Variants in SAMD12 observed in about 807,000 individuals in gnomAD.
The protein encoded by SAMD12 is sterile alpha motif domain-containing protein 12.
SAMD12 carries 9 observed loss-of-function variants against 15.0 expected under a neutral mutation model. That is an observed-to-expected ratio of 0.60 (90% CI 0.36 to 1.05). The LOEUF (loss-of-function observed/expected upper bound fraction) is 1.05, where lower values mean the gene tolerates loss of function less well. SAMD12 is among the 50% of genes least tolerant of loss of function. The pLI is 0.01. For synonymous variants in SAMD12, 86 were observed against 90.1 expected (o/e 0.96, Z 0.25); for missense variants, 230 against 234.2 (o/e 0.98, Z 0.12).
chr8:118,135,828 CG>C, the SAMD12 span, among the ~76,000 whole-genome samples: 1 of 152,146 alleles, frequency 6.6e-6, no homozygotes, highest in African/African-American at 2.4e-5. Context: ...AGATTACAGG[CG>C]TGAGCCACCA....
chr8:118,431,696 G>C (rs1248829942), intron 3 of SAMD12, among the ~76,000 whole-genome samples: 21 of 141,658 alleles, frequency 1.5e-4, no homozygotes, highest in Middle Eastern at 3.9e-3. Flanking sequence ...TCGTGTGTGT[G>C]TGTGTGTGTG....
At chr8:118,193,580 C>T (rs1202073134) in exon 5 of SAMD12, 1 of 152,148 alleles carries the variant, frequency 6.6e-6, no homozygotes, top group Non-Finnish European at 1.5e-5. Flanking sequence ...AATTAATCTT[C>T]CAGATGACTG....
chr8:118,345,161 A>G (rs1477979066), intron 4 of SAMD12, among the ~76,000 whole-genome samples: 1 of 152,176 alleles, frequency 6.6e-6, no homozygotes, highest in Non-Finnish European at 1.5e-5. Flanking sequence ...AGGTTTAAAC[A>G]TATTTTGATA....
In SAMD12 at chr8:118,379,233, G is replaced by T; in HGVS notation, c.*184C>A. 7.0e-7 allele frequency: 1 copy of T among 1,420,796 alleles called. No individual in the cohort carries two copies. Among genetic ancestry groups the T allele is most frequent in the Non-Finnish European group, 9.2e-7 (1 of 1,090,620 alleles). 88.0% of individuals were successfully genotyped at this position (1,420,796 alleles called of 1,614,324 possible). A position where few individuals can be genotyped will look rare whatever the true frequency, so the allele number is the denominator to read the frequency against. On this transcript the variant is annotated 3_prime_UTR_variant, in exon 4 of 4. Coordinates refer to ENST00000314727, the MANE Select transcript of SAMD12 (RefSeq NM_207506.3). ...GCAGGCTGCACATTATACAACTCTA[G>T]TGAGTGCAATCGTACCCTGATTGAT...
At chr8:118,369,782 A>AC (rs1399291939) in intron 4 of SAMD12, among the ~76,000 whole-genome samples, 7 of 152,118 alleles carry the variant, frequency 4.6e-5, no homozygotes, top group African/African-American at 7.2e-5. Flanking sequence ...AACAACAACA[A>AC]AAAACTTAAA....
chr8:118,549,005 A>G (rs368249296), intron 2 of SAMD12, among the ~76,000 whole-genome samples: 3 of 152,260 alleles, frequency 2.0e-5, no homozygotes, highest in African/African-American at 7.2e-5. Flanking sequence ...AGGCTTGCTT[A>G]GGTAAACGAA....
chr8:118,434,819 G>GCAGGGAGTTAAT (rs1586714122), intron 3 of SAMD12, among the ~76,000 whole-genome samples: 1 of 102,986 alleles, frequency 9.7e-6, no homozygotes, highest in Admixed American at 1.1e-4. Flanking sequence ...GTGTGCTTCT[G>GCAGGGAGTTAAT]GCCGGGCGCG....
intron 2 of SAMD12, among the ~76,000 whole-genome samples, chr8:118,465,503 TCAAA>T (rs552770554): frequency 4.1e-4 from 62 of 152,276 alleles, no homozygotes; most frequent in Non-Finnish European, 6.3e-4. Flanking sequence ...CTTGTTATTC[TCAAA>T]CAGTCCTGCA....
At chr8:118,505,101 T>C (rs1454462609) in intron 2 of SAMD12, among the ~76,000 whole-genome samples, 1 of 152,256 alleles carries the variant, frequency 6.6e-6, no homozygotes. Context: ...AGAAAACTTA[T>C]ACAAAGGCAT....
rs188348523 is a variant in SAMD12 at position 118,378,797 on chromosome 8, A to T, written c.*620T>A. ...TCTCATGTAGACATATCAGTTACAT[A>T]TAGTGTAACTTAAGGCTTTCTTCGA... On this transcript the variant is annotated 3_prime_UTR_variant, in exon 4 of 4. Transcript: ENST00000314727. The T allele has an allele frequency of 4.0e-3, 3,973 of 982,332 alleles. 29 individuals are homozygous for T. The highest frequency in any genetic ancestry group is 0.036 in the South Asian group (755 of 21,222). 60.9% of individuals were successfully genotyped at this position (982,332 alleles called of 1,614,324 possible). A position where few individuals can be genotyped will look rare whatever the true frequency, so the allele number is the denominator to read the frequency against.
intron 3 of SAMD12, among the ~76,000 whole-genome samples, chr8:118,411,598 C>A (rs1821408056): frequency 7.0e-6 from 1 of 143,764 alleles, no homozygotes; most frequent in African/African-American, 2.6e-5. Context: ...TCACAGGGGA[C>A]CCACAATAGT....
intron 1 of SAMD12, among the ~76,000 whole-genome samples, chr8:118,598,064 G>C (rs990113725): frequency 6.6e-6 from 1 of 152,056 alleles, no homozygotes; most frequent in East Asian, 1.9e-4. Flanking sequence ...CTTCTGTAAG[G>C]CTTCTTTAGC....
chr8:118,433,857 A>G (rs1469633120), intron 3 of SAMD12, among the ~76,000 whole-genome samples: 2 of 152,230 alleles, frequency 1.3e-5, no homozygotes, highest in African/African-American at 4.8e-5. Flanking sequence ...GGATAGTTAA[A>G]TACGTTTACA....
intron 1 of SAMD12, among the ~76,000 whole-genome samples, chr8:118,586,749 C>T (rs1213383263): frequency 1.3e-5 from 2 of 152,174 alleles, no homozygotes; most frequent in Non-Finnish European, 2.9e-5. Flanking sequence ...GAAGAAGTGA[C>T]TACTTCTTGC....
At chr8:118,433,830 T>G (rs1586713253) in intron 3 of SAMD12, among the ~76,000 whole-genome samples, 1 of 152,264 alleles carries the variant, frequency 6.6e-6, no homozygotes, top group South Asian at 2.1e-4. Flanking sequence ...GATGAGAAAA[T>G]GTGTAGCTGA....
intron 2 of SAMD12, among the ~76,000 whole-genome samples, chr8:118,497,606 C>CACTATGCTCACT (rs1384619565): frequency 1.3e-5 from 2 of 151,074 alleles, no homozygotes; most frequent in Admixed American, 1.3e-4. Context: ...ACCTATAGGG[C>CACTATGCTCACT]ACTATGCTCA....
chr8:118,561,365 A>C (rs1309705247), intron 2 of SAMD12, among the ~76,000 whole-genome samples: 1 of 152,220 alleles, frequency 6.6e-6, no homozygotes, highest in Admixed American at 6.5e-5. Context: ...AGCATTTATA[A>C]ATATACAAAA....
intron 2 of SAMD12, among the ~76,000 whole-genome samples, chr8:118,478,224 G>C (rs528311083): frequency 3.3e-5 from 5 of 152,274 alleles, no homozygotes; most frequent in South Asian, 4.1e-4. Context: ...TTGAGCCTTA[G>C]ATAATTAGCA....
At chr8:118,198,233 G>A (rs947048311) in intron 4 of SAMD12, among the ~76,000 whole-genome samples, 5 of 152,298 alleles carry the variant, frequency 3.3e-5, no homozygotes, top group Admixed American at 1.3e-4. Flanking sequence ...TGCTAGTTGC[G>A]AAGTCAGATT....
Sources: gnomAD v4.1 joint callset for allele counts (sites outside exome capture counted in the v4.1 genomes callset) on GRCh38, gnomAD v4.1.1 for gene constraint, MANE v1.5 for transcripts, NCBI Gene and HGNC (gene_info 2026-07-23, HGNC 2026-07-21) for gene names.